Variants in ISLR2 observed in about 807,000 individuals in gnomAD.
ISLR2 encodes immunoglobulin superfamily containing leucine-rich repeat protein 2.
Under a neutral mutation model 25.5 loss-of-function variants are expected in ISLR2, and 16 were observed. The ratio of observed to expected loss-of-function variants is 0.63; its 90% CI spans 0.43 to 0.95. The LOEUF (loss-of-function observed/expected upper bound fraction) is 0.95. Ranked by LOEUF, ISLR2 falls within the 40% of genes least tolerant of loss-of-function variation. The pLI is 0.00. For missense variants in ISLR2, 883 were observed against 1,030.7 expected, an observed-to-expected ratio of 0.86 and a Z score of 1.96; for synonymous variants, 508 against 486.6, an observed-to-expected ratio of 1.04 and a Z score of -0.58.
In ISLR2 at chr15:74,121,117, C is replaced by G. The variant is rs115286923; in HGVS notation, n.229-10090C>G. Reference sequence around the variant, plus strand: ...CCTGGTGCCTTTGTCCCCATCTCTCCAAGCCACCTTGATTGTCTCCTCTAC... The same window carrying G: ...CCTGGTGCCTTTGTCCCCATCTCTCGAAGCCACCTTGATTGTCTCCTCTAC... On this transcript the variant is annotated intron_variant and non_coding_transcript_variant, in intron 2 of 3. Transcript: ENST00000561975. Among the ~76,000 whole-genome samples, 936 of 152,222 alleles carry G rather than the reference C, an allele frequency of 6.1e-3. 6 individuals are homozygous for G. Among genetic ancestry groups the G allele is most frequent in the African/African-American group, 0.021 (852 of 41,536 alleles).
upstream of ISLR2, chr15:74,130,205 G>C (rs1188430396): frequency 1.4e-5 from 2 of 147,168 alleles, no homozygotes; most frequent in Non-Finnish European, 3.0e-5. Context: ...ACTAGCAGGC[G>C]GGGCGGGGGG....
upstream of ISLR2, chr15:74,129,382 G>A (rs896609765): frequency 8.8e-6 from 2 of 226,660 alleles, no homozygotes; most frequent in African/African-American, 4.6e-5. This position sits in a 1 kb window ranked among gnomAD's most constrained non-coding sequence, Gnocchi z 4.5. Context: ...CACTCAAATC[G>A]GGGTATTGAT....
chr15:74,115,521 C>A (rs796117688), intron 2 of ISLR2, among the ~76,000 whole-genome samples: 26 of 152,214 alleles, frequency 1.7e-4, no homozygotes, highest in African/African-American at 6.0e-4. Context: ...ATGGCTAAAT[C>A]CTGTCTCTAC....
chr15:74,137,131 C>T (rs920396042), downstream of ISLR2, among the ~76,000 whole-genome samples: 78 of 152,210 alleles, frequency 5.1e-4, no homozygotes, highest in African/African-American at 1.8e-3. Flanking sequence ...CAAGGGTGTG[C>T]GGCACCCTCT....
chr15:74,126,240 C>G (rs1321029885), upstream of ISLR2: 1 of 151,486 alleles, frequency 6.6e-6, no homozygotes, highest in African/African-American at 2.4e-5. Flanking sequence ...GCTAATTCAG[C>G]TATTATATAA....
chr15:74,117,729 A>G (rs1384673708), intron 2 of ISLR2, among the ~76,000 whole-genome samples: 2 of 152,190 alleles, frequency 1.3e-5, no homozygotes, highest in Admixed American at 6.5e-5. Flanking sequence ...CTGCCTATGT[A>G]ACTCTCCCCT....
intron 2 of ISLR2, among the ~76,000 whole-genome samples, chr15:74,118,167 C>G (rs535689431): frequency 6.6e-6 from 1 of 152,218 alleles, no homozygotes; most frequent in South Asian, 2.1e-4. Flanking sequence ...AATTTTAAAG[C>G]TGGGTGTCCG....
chr15:74,128,521 C>T (rs1456144488), upstream of ISLR2: 2 of 456,514 alleles, frequency 4.4e-6, no homozygotes, highest in South Asian at 3.1e-5. Context: ...GGTCCTCGGG[C>T]CCCGAAGTTT....
chr15:74,133,180 A>C lies in ISLR2; in HGVS notation c.426A>C (p.Ala142=), dbSNP rs1213524691. The change falls in exon 3 of 3, where the codon GCA becomes GCC. Residue 142 remains alanine, a synonymous_variant. Coordinates refer to ENST00000453268, the MANE Select transcript of ISLR2 (RefSeq NM_020851.3). The stretch of plus-strand genomic sequence containing the variant: ...GCCTGGGCTCTCTGCCCCGGGACGC[A>C]CTCGGTGCGCTACCCGACCTGCGTT... ...HNRLGSLPRD[A]LGALPDLRSL... The C allele has an allele frequency of 6.2e-7, 1 of 1,613,132 alleles. No individual in the cohort carries two copies. Among genetic ancestry groups the C allele is most frequent in the Non-Finnish European group, 8.5e-7 (1 of 1,179,982 alleles).
upstream of ISLR2, chr15:74,127,183 G>A (rs2072309360): frequency 6.6e-6 from 1 of 152,152 alleles, no homozygotes; most frequent in African/African-American, 2.4e-5. Context: ...GTACAACTCT[G>A]AGTGCAGTTG....
chr15:74,109,310 G>A (rs2072147461), intron 2 of ISLR2, among the ~76,000 whole-genome samples: 1 of 151,968 alleles, frequency 6.6e-6, no homozygotes. Flanking sequence ...GACTGACCAT[G>A]TTGCTGGGTG....
At position 74,132,916 on chromosome 15, in the gene ISLR2, G is replaced by A. The variant is rs1429146084; in HGVS notation, c.162G>A (p.Thr54=). The A allele has an allele frequency of 6.2e-7, 1 of 1,614,102 alleles. No homozygotes were observed. The highest frequency in any genetic ancestry group is 1.3e-5 in the African/African-American group (1 of 75,064). The change falls in exon 3 of 3, where the codon ACG becomes ACA. Residue 54 remains threonine (T), a synonymous_variant. Coordinates refer to ENST00000453268, the MANE Select transcript of ISLR2 (RefSeq NM_020851.3). This position sits in a 1 kb window ranked among gnomAD's most constrained non-coding sequence, Gnocchi z 4.3. ...EVPEGLPANV[T]TLSLSANKIT... The stretch of plus-strand genomic sequence containing the variant: ...CGGAAGGACTGCCTGCCAACGTGAC[G>A]ACGCTTAGTCTGTCCGCGAACAAGA...
chr15:74,127,686 C>G (rs925739365), upstream of ISLR2: 2 of 152,518 alleles, frequency 1.3e-5, no homozygotes, highest in African/African-American at 4.8e-5. Flanking sequence ...GCCTCTGCGC[C>G]CGGCAAGCGG....
intron 1 of ISLR2, among the ~76,000 whole-genome samples, chr15:74,100,961 G>T (rs1281910324): frequency 4.2e-4 from 55 of 131,714 alleles, no homozygotes; most frequent in African/African-American, 1.5e-3. Flanking sequence ...GGGTAGTCTA[G>T]AACAACTAAG....
chr15:74,111,690 G>C (rs1400467089), intron 2 of ISLR2, among the ~76,000 whole-genome samples: 3 of 151,806 alleles, frequency 2.0e-5, no homozygotes, highest in Non-Finnish European at 2.9e-5. Context: ...TCCTGCCTCA[G>C]CCTCCACGTA....
Position 74,134,507 on chromosome 15 carries a change from A to G in ISLR2, c.1753A>G (p.Lys585Glu). Residue 585 changes from lysine to glutamate, a missense_variant, in exon 3 of 3, where the codon AAG (lysine) becomes GAG (glutamate). Coordinates refer to ENST00000453268, the MANE Select transcript of ISLR2 (RefSeq NM_020851.3). ...CHVQVVFSTK[K>E]ELPSLLVIVA... Reference sequence around the variant, plus strand: ...CGTGCAAGTGGTGTTTTCCACCAAGAAGGAGCTCCCATCGCTGCTGGTCAT... The same window carrying G: ...CGTGCAAGTGGTGTTTTCCACCAAGGAGGAGCTCCCATCGCTGCTGGTCAT... The G allele has an allele frequency of 1.2e-6, 2 of 1,613,880 alleles. No homozygotes were observed. The highest frequency in any genetic ancestry group is 1.7e-6 in the Non-Finnish European group (2 of 1,180,014).
chr15:74,122,755 C>T (rs1244266394), intron 2 of ISLR2, among the ~76,000 whole-genome samples: 1 of 152,148 alleles, frequency 6.6e-6, no homozygotes, highest in African/African-American at 2.4e-5. Context: ...TTCAGCCCAC[C>T]AAGTGCCCTC....
At chr15:74,114,682 G>A (rs1009849721) in intron 2 of ISLR2, among the ~76,000 whole-genome samples, 8 of 151,786 alleles carry the variant, frequency 5.3e-5, no homozygotes, top group African/African-American at 1.9e-4. Flanking sequence ...ATTGCTAACA[G>A]GGACCAGATT....
At chr15:74,104,974 T>C (rs1454023236) in intron 2 of ISLR2, among the ~76,000 whole-genome samples, 1 of 75,882 alleles carries the variant, frequency 1.3e-5, no homozygotes, top group Non-Finnish European at 2.6e-5. Flanking sequence ...GTGACCCCGC[T>C]ATAACCAGTT....
Sources: gnomAD v4.1 joint callset for allele counts (sites outside exome capture counted in the v4.1 genomes callset) on GRCh38, gnomAD v4.1.1 for gene constraint, Gnocchi (gnomAD v3.1) non-coding constraint, MANE v1.5 for transcripts, NCBI Gene and HGNC (gene_info 2026-07-23, HGNC 2026-07-21) for gene names.